The following EBF3 variants were observed in gnomAD, a reference collection of about 807,000 sequenced individuals.
EBF3 encodes transcription factor COE3.
A neutral mutation model predicts 77.1 loss-of-function variants in EBF3; 18 were observed. The ratio of observed to expected loss-of-function variants is 0.23; its 90% CI spans 0.16 to 0.35. The LOEUF (loss-of-function observed/expected upper bound fraction) is 0.35, where lower values mean the gene tolerates loss of function less well. Among genes scored for constraint, EBF3 ranks in the 10% least tolerant of loss-of-function variants. The probability of loss-of-function intolerance (pLI) is 1.00; values close to 1 mark genes in which losing one functional copy is unlikely to be tolerated. For missense variants in EBF3, 558 were observed against 860.0 expected (o/e 0.65, Z 4.39); for synonymous variants, 350 against 343.5 (o/e 1.02, Z -0.21).
intron 16 of EBF3, 127 bp from the exon 17 acceptor site, chr10:129,838,087 A>G: frequency 8.6e-7 from 1 of 1,165,946 alleles, no homozygotes; most frequent in South Asian, 1.4e-5. Context: ...AGTTCCGTCC[A>G]CCAGCCTCGG....
chr10:129,874,623 T>C (rs1341306974), intron 7 of EBF3, among the ~76,000 whole-genome samples: 1 of 152,194 alleles, frequency 6.6e-6, no homozygotes. Flanking sequence ...AGCCCAGCTC[T>C]GACCTGAAGG....
chr10:129,867,087 G>C (rs1852073801), intron 10 of EBF3, 54 bp downstream of exon 10: 1 of 1,584,538 alleles, frequency 6.3e-7, no homozygotes, highest in African/African-American at 1.4e-5. Context: ...AGCACCTCCT[G>C]GTGGGGAGGA....
At chr10:129,898,056 C>A (rs1316389849) in intron 6 of EBF3, among the ~76,000 whole-genome samples, 1 of 152,214 alleles carries the variant, frequency 6.6e-6, no homozygotes, top group African/African-American at 2.4e-5. Context: ...CAGAGCTCAG[C>A]GCTCCTGTTG....
intron 6 of EBF3, among the ~76,000 whole-genome samples, chr10:129,919,672 G>C (rs1432993565): frequency 6.6e-6 from 1 of 152,158 alleles, no homozygotes; most frequent in South Asian, 2.1e-4. Flanking sequence ...ACTGCTGCAG[G>C]GGGCAAGGAC....
intron 10 of EBF3, among the ~76,000 whole-genome samples, chr10:129,858,205 T>C (rs1851386005): frequency 6.6e-6 from 1 of 152,196 alleles, no homozygotes; most frequent in Non-Finnish European, 1.5e-5. Context: ...TGCAGCCCAA[T>C]ACCCTCCGTG....
intron 7 of EBF3, among the ~76,000 whole-genome samples, chr10:129,876,885 A>AACCCCCCCCCCCC (rs1852809898): frequency 2.4e-5 from 1 of 42,396 alleles, no homozygotes; most frequent in Admixed American, 3.9e-4. Flanking sequence ...TCATCCCTGA[A>AACCCCCCCCCCCC]CCCCCCCCCC....
intron 6 of EBF3, among the ~76,000 whole-genome samples, chr10:129,934,216 A>G (rs1334554561): frequency 6.6e-6 from 1 of 151,480 alleles, no homozygotes; most frequent in East Asian, 1.9e-4. Context: ...GCCTGAAGAC[A>G]TGCCCCTCCC....
chr10:129,918,114 C>A (rs1199464661), intron 6 of EBF3, among the ~76,000 whole-genome samples: 1 of 152,220 alleles, frequency 6.6e-6, no homozygotes, highest in African/African-American at 2.4e-5. Flanking sequence ...CAGCCCCTCA[C>A]TGCACCCACA....
chr10:129,911,255 AC>A (rs1191461704), intron 6 of EBF3, among the ~76,000 whole-genome samples: 5 of 152,210 alleles, frequency 3.3e-5, no homozygotes, highest in Admixed American at 3.3e-4. Context: ...TCACAGGGAT[AC>A]TTCTCCTGGC....
chr10:129,862,109 C>A (rs1037743210), intron 10 of EBF3, among the ~76,000 whole-genome samples: 1 of 152,170 alleles, frequency 6.6e-6, no homozygotes, highest in Non-Finnish European at 1.5e-5. Flanking sequence ...GAGGACACAG[C>A]GTCGCCCCTT....
At chr10:129,844,535 C>T (rs1850317876) in intron 11 of EBF3, among the ~76,000 whole-genome samples, 1 of 152,174 alleles carries the variant, frequency 6.6e-6, no homozygotes, top group African/African-American at 2.4e-5. Context: ...GCAACGACTG[C>T]CTTCCAAGGA....
chr10:129,916,022 C>G (rs1215503943), intron 6 of EBF3, among the ~76,000 whole-genome samples: 1 of 152,178 alleles, frequency 6.6e-6, no homozygotes, highest in Admixed American at 6.5e-5. Flanking sequence ...TGGAGCTGGC[C>G]ACACTCAGGA....
Position 129,843,040 on chromosome 10 carries a change from T to C in EBF3, c.1194+97A>G, listed in dbSNP as rs1055115574. 2.5e-6 allele frequency: 3 copies of C among 1,220,018 alleles called. No individual in the cohort carries two copies. In the African/African-American group the frequency reaches 4.5e-5, roughly 18 times the overall value. 75.6% of individuals were successfully genotyped at this position (1,220,018 alleles called of 1,614,324 possible). On this transcript the variant is annotated intron_variant, in intron 12 of 16. Coordinates refer to ENST00000440978, the MANE Select transcript of EBF3 (RefSeq NM_001375380.1). ...CTCCTGTGGAGTCGCTGGAAAAGCA[T>C]GCTTATGTCCAGAAAGCCCACACTG...
intron 10 of EBF3, among the ~76,000 whole-genome samples, chr10:129,851,322 TTA>T (rs1240334305): frequency 6.6e-6 from 1 of 152,160 alleles, no homozygotes; most frequent in Non-Finnish European, 1.5e-5. Context: ...CAAATTTGTT[TTA>T]TGTTAATATT....
Position 129,879,961 on chromosome 10 carries a change from C to T in EBF3, c.555-2112G>A, listed in dbSNP as rs572603693. ...GGCGCCGGCCCGAGAAGCTGCTCAT[C>T]TGCAAATGTACCTGCACGGAGCCAT... On this transcript the variant is annotated intron_variant, in intron 6 of 16. Transcript: ENST00000440978. The surrounding 1 kb of genome is among the most constrained non-coding windows in gnomAD (Gnocchi z 4.7). Among the ~76,000 whole-genome samples, 1 of 152,318 alleles carries T rather than the reference C, an allele frequency of 6.6e-6. No homozygotes were observed. Among genetic ancestry groups the T allele is most frequent in the South Asian group, 2.1e-4 (1 of 4,810 alleles).
chr10:129,882,389 G>T (rs983487135), intron 6 of EBF3, among the ~76,000 whole-genome samples: 8 of 152,242 alleles, frequency 5.3e-5, no homozygotes, highest in African/African-American at 1.4e-4. Flanking sequence ...CTGTTTAATT[G>T]TAATTTAATG....
Position 129,839,135 on chromosome 10 carries a change from A to G in EBF3, c.1820T>C (p.Val607Ala). Residue 607 changes from valine to alanine, a missense_variant, in exon 16 of 17, where the codon GTC becomes GCC. Val to Ala is a moderately conservative substitution (Grantham distance 64). This residue lies in a region of EBF3 where 284 missense variants were observed against 368.3 expected (regional missense o/e 0.77). Transcript: ENST00000440978. The stretch of plus-strand genomic sequence containing the variant: ...TTCATCAAAGTGAAATATGCCACCG[A>G]CTTCACAAAAGGGCCAGTTTGTCTT... ...AEKTNWPFCE[V>A]GGIFHFDELM... The G allele has an allele frequency of 7.7e-7, 1 of 1,304,410 alleles. No individual in the cohort carries two copies. Among genetic ancestry groups the G allele is most frequent in the Non-Finnish European group, 1.0e-6 (1 of 988,994 alleles). The allele number at this position is 1,304,410 out of a possible 1,614,324, so 80.8% of individuals were successfully genotyped here.
intron 6 of EBF3, among the ~76,000 whole-genome samples, chr10:129,888,416 C>T (rs1475153448): frequency 6.6e-6 from 1 of 152,240 alleles, no homozygotes; most frequent in Non-Finnish European, 1.5e-5. Context: ...TGTTACATTT[C>T]CTTCCAAAAT....
chr10:129,846,292 T>C (rs1850460007), intron 11 of EBF3, among the ~76,000 whole-genome samples: 2 of 152,102 alleles, frequency 1.3e-5, no homozygotes, highest in Non-Finnish European at 1.5e-5. Flanking sequence ...ACAATGTGTG[T>C]GCAATGTATT....
Sources: gnomAD v4.1 joint callset for allele counts (sites outside exome capture counted in the v4.1 genomes callset) on GRCh38, gnomAD v4.1.1 for gene constraint, gnomAD v4.1.1 regional missense constraint, Gnocchi (gnomAD v3.1) non-coding constraint, MANE v1.5 for transcripts, NCBI Gene and HGNC (gene_info 2026-07-23, HGNC 2026-07-21) for gene names.